FEZ1: variants seen among roughly 807,000 people sequenced by gnomAD.
FEZ1 encodes fasciculation and elongation protein zeta 1.
In FEZ1, 20 loss-of-function variants were observed where a neutral mutation model predicts 49.3. The observed-to-expected ratio is 0.41, with a 90% CI of 0.29 to 0.59. The LOEUF (loss-of-function observed/expected upper bound fraction) is 0.59, where lower values mean the gene tolerates loss of function less well. Among genes scored for constraint, FEZ1 ranks in the 20% least tolerant of loss-of-function variants. The pLI, the probability that FEZ1 is intolerant of heterozygous loss-of-function variation, is 0.36. For synonymous variants in FEZ1, 170 were observed against 180.9 expected, an observed-to-expected ratio of 0.94 and a Z score of 0.48; for missense variants, 413 against 476.0, an observed-to-expected ratio of 0.87 and a Z score of 1.23.
chr11:125,493,355 AAG>A (rs1313358629), intron 1 of FEZ1, among the ~76,000 whole-genome samples: 2 of 137,746 alleles, frequency 1.5e-5, no homozygotes, highest in East Asian at 4.1e-4. Flanking sequence ...GAAAGAAAGA[AAG>A]AGAGAAAAGA....
At chr11:125,457,492 G>GTATATATACACATA (rs745548707) in intron 5 of FEZ1, among the ~76,000 whole-genome samples, 1,784 of 28,052 alleles carry the variant, frequency 0.064, 69 homozygotes, top group African/African-American at 0.16. Context: ...ACATATATGT[G>GTATATATACACATA]TATATATGTA....
intron 7 of FEZ1, chr11:125,452,967 T>C (rs1449135495): frequency 6.6e-6 from 1 of 151,812 alleles, no homozygotes; most frequent in African/African-American, 2.4e-5. Flanking sequence ...CACTTTTTTT[T>C]TTTTTTTTGA....
intron 7 of FEZ1, 163 bp downstream of exon 7, chr11:125,453,967 A>ATATTC (rs1956982366): frequency 2.3e-6 from 1 of 437,812 alleles, no homozygotes; most frequent in Non-Finnish European, 4.0e-6. Context: ...TTTTAAAAAG[A>ATATTC]TATTCTCTGT....
chr11:125,464,960 T>C (rs983939467), intron 3 of FEZ1, among the ~76,000 whole-genome samples: 3 of 152,232 alleles, frequency 2.0e-5, no homozygotes, highest in Non-Finnish European at 4.4e-5. Flanking sequence ...CTACGCTTTG[T>C]TCACAACTAC....
intron 5 of FEZ1, among the ~76,000 whole-genome samples, chr11:125,458,096 C>T (rs930472198): frequency 6.6e-6 from 1 of 152,168 alleles, no homozygotes; most frequent in African/African-American, 2.4e-5. Flanking sequence ...AGTTCAGCAC[C>T]GAGCAGACTC....
At chr11:125,454,943 A>G (rs1956994690) in intron 6 of FEZ1, among the ~76,000 whole-genome samples, 1 of 150,216 alleles carries the variant, frequency 6.7e-6, no homozygotes, top group Non-Finnish European at 1.5e-5. Context: ...GAACCCGGGA[A>G]GCAGAGATTG....
intron 8 of FEZ1, among the ~76,000 whole-genome samples, chr11:125,448,773 G>A (rs1956920425): frequency 6.6e-6 from 1 of 152,084 alleles, no homozygotes; most frequent in South Asian, 2.1e-4. Context: ...CCGGTACTAT[G>A]TTCACTACCT....
rs759179605 is a variant in FEZ1 at position 125,446,064 on chromosome 11, T to C, written c.*31A>G. 5.6e-6 allele frequency: 9 copies of C among 1,610,176 alleles called. No homozygotes were observed. In the South Asian group the frequency reaches 9.9e-5, roughly 18 times the overall value. ...ATGGAATGACTCTTGCTCAGTGACCTCCTGCAGCGAGGCTGCTCCAAAGGG... is the reference window on the plus strand; with the variant it reads ...ATGGAATGACTCTTGCTCAGTGACCCCCTGCAGCGAGGCTGCTCCAAAGGG... On this transcript the variant is annotated 3_prime_UTR_variant, in exon 10 of 10. Coordinates refer to ENST00000278919, the MANE Select transcript of FEZ1 (RefSeq NM_005103.5).
intron 8 of FEZ1, among the ~76,000 whole-genome samples, 198 bp from the exon 9 acceptor site, chr11:125,448,765 G>T (rs186984314): frequency 5.1e-4 from 78 of 152,156 alleles, no homozygotes; most frequent in Non-Finnish European, 9.9e-4. Flanking sequence ...CTACCTATCC[G>T]GTACTATGTT....
chr11:125,454,268 C>T, intron 6 of FEZ1, 58 bp from the exon 7 acceptor site: 1 of 1,346,512 alleles, frequency 7.4e-7, no homozygotes, highest in Non-Finnish European at 1.1e-6. Context: ...GTCACCACAC[C>T]CAGGGACCTC....
chr11:125,495,262 C>T lies in FEZ1; in HGVS notation c.-46+859G>A. Reference sequence around the variant, plus strand: ...GAAGCCGGACTCATCCCGTGCAGGCCGCATACACACTCCACTGCCCTTCCG... The same window carrying T: ...GAAGCCGGACTCATCCCGTGCAGGCTGCATACACACTCCACTGCCCTTCCG... On this transcript the variant is annotated intron_variant, in intron 1 of 9. Transcript: ENST00000278919. This position sits in a 1 kb window ranked among gnomAD's most constrained non-coding sequence, Gnocchi z 4.2. 1.4e-5 allele frequency: 6 copies of T among 416,256 alleles called. No homozygotes were observed. The highest frequency in any genetic ancestry group is 9.0e-5 in the South Asian group (5 of 55,474). The allele number at this position is 416,256 out of a possible 1,614,324, so 25.8% of individuals were successfully genotyped here.
At chr11:125,469,364 T>C (rs1957163582) in intron 3 of FEZ1, among the ~76,000 whole-genome samples, 1 of 152,120 alleles carries the variant, frequency 6.6e-6, no homozygotes, top group African/African-American at 2.4e-5. Context: ...GCTCAAGCAA[T>C]CCTCCCACCT....
intron 4 of FEZ1, chr11:125,463,279 C>T (rs1297954456): frequency 8.3e-6 from 3 of 363,164 alleles, no homozygotes; most frequent in Non-Finnish European, 9.9e-6. Flanking sequence ...GCACTCCAGC[C>T]TGGGCAACAG....
In FEZ1 at chr11:125,445,140, G is replaced by A. The variant is rs375912587; in HGVS notation, c.*955C>T. Among the ~76,000 whole-genome samples, 62 of 152,354 alleles carry A rather than the reference G, an allele frequency of 4.1e-4. No homozygotes were observed. In the South Asian group the frequency reaches 7.2e-3, roughly 18 times the overall value. On this transcript the variant is annotated 3_prime_UTR_variant, in exon 10 of 10. Coordinates refer to ENST00000278919, the MANE Select transcript of FEZ1 (RefSeq NM_005103.5). The surrounding 1 kb of genome is among the most constrained non-coding windows in gnomAD (Gnocchi z 4.4). ...CTGCCATCAATGCTGGAGACAGTGCGAGGAGTCAGAGCTGCTGTTCATGGA... is the reference window on the plus strand; with the variant it reads ...CTGCCATCAATGCTGGAGACAGTGCAAGGAGTCAGAGCTGCTGTTCATGGA...
At chr11:125,472,654 C>A (rs1315886510) in intron 3 of FEZ1, among the ~76,000 whole-genome samples, 1 of 151,720 alleles carries the variant, frequency 6.6e-6, no homozygotes, top group Non-Finnish European at 1.5e-5. Context: ...GAAATAATAC[C>A]AATGTAATAC....
At position 125,489,323 on chromosome 11, in the gene FEZ1, A is replaced by ATATATATATAT. The variant is rs1295025854; in HGVS notation, c.311+143_311+144insATATATATATA. 5.7e-4 allele frequency: 810 copies of ATATATATATAT among 1,427,676 alleles called. 6 individuals are homozygous for ATATATATATAT. In the South Asian group the frequency reaches 5.8e-3, roughly 10 times the overall value. 88.4% of individuals were successfully genotyped at this position (1,427,676 alleles called of 1,614,324 possible). A position where few individuals can be genotyped will look rare whatever the true frequency, so the allele number is the denominator to read the frequency against. On this transcript the variant is annotated intron_variant, in intron 2 of 9. Transcript: ENST00000278919. This position sits in a 1 kb window ranked among gnomAD's most constrained non-coding sequence, Gnocchi z 4.2. ...GGGACATATATAGAGCTATGACAGC[A>ATATATATATAT]AGTACCAGGGCACTGCTCCGCTGGC...
chr11:125,467,340 A>C (rs1169434076), intron 3 of FEZ1, among the ~76,000 whole-genome samples: 1 of 152,186 alleles, frequency 6.6e-6, no homozygotes, highest in Non-Finnish European at 1.5e-5. Flanking sequence ...GTGCCTGGTA[A>C]CTATGTCCCT....
intron 7 of FEZ1, 75 bp from the exon 8 acceptor site, chr11:125,452,484 T>A: frequency 1.1e-6 from 1 of 917,452 alleles, no homozygotes; most frequent in Non-Finnish European, 1.8e-6. Flanking sequence ...AGCCTTTCTC[T>A]AAGACACACA....
intron 2 of FEZ1, among the ~76,000 whole-genome samples, chr11:125,487,594 A>C (rs1354051047): frequency 1.3e-5 from 2 of 152,222 alleles, no homozygotes; most frequent in Non-Finnish European, 2.9e-5. Context: ...CTTAAAATTT[A>C]AACACATAGC....
Sources: gnomAD v4.1 joint callset for allele counts (sites outside exome capture counted in the v4.1 genomes callset) on GRCh38, gnomAD v4.1.1 for gene constraint, Gnocchi (gnomAD v3.1) non-coding constraint, MANE v1.5 for transcripts, NCBI Gene and HGNC (gene_info 2026-07-23, HGNC 2026-07-21) for gene names.